ZFP1: variants seen among roughly 807,000 people sequenced by gnomAD.
ZFP1 encodes zinc finger protein 1 homolog.
In ZFP1, 32 loss-of-function variants were observed where a neutral mutation model predicts 38.5. That is an observed-to-expected ratio of 0.83 (90% confidence interval 0.63 to 1.12). The LOEUF is 1.12. ZFP1 is among the 50% of genes most tolerant of loss of function. The pLI, the probability that ZFP1 is intolerant of heterozygous loss-of-function variation, is 0.00. For missense variants in ZFP1, 616 were observed against 480.8 expected (o/e 1.28, Z -2.63); for synonymous variants, 245 against 168.8 (o/e 1.45, Z -3.50).
At position 75,170,203 on chromosome 16, in the gene ZFP1, T is replaced by G. The variant is rs1400247721; in HGVS notation, c.1093T>G (p.Ser365Ala). Residue 365 changes from serine to alanine, a missense_variant, in exon 4 of 4, where the codon TCA (serine) becomes GCA (alanine). By Grantham distance (99) the Ser-to-Ala change is moderately conservative. Coordinates refer to ENST00000570010, the MANE Select transcript of ZFP1 (RefSeq NM_153688.4). ...GTGCGGCAAAACTTTCAGCCAGAGGTCAACTCTTAGATTACACTTGCGAAT... is the reference window on the plus strand; with the variant it reads ...GTGCGGCAAAACTTTCAGCCAGAGGGCAACTCTTAGATTACACTTGCGAAT... ...TECGKTFSQR[S>A]TLRLHLRIHT... The G allele has an allele frequency of 6.2e-7, 1 of 1,613,944 alleles. No homozygotes were observed. Among genetic ancestry groups the G allele is most frequent in the Non-Finnish European group, 8.5e-7 (1 of 1,180,012 alleles).
At chr16:75,147,895 G>A (rs2036975030), upstream of ZFP1, among the ~76,000 whole-genome samples, 1 of 152,202 alleles carries the variant, frequency 6.6e-6, no homozygotes, top group South Asian at 2.1e-4. Flanking sequence ...AATTTGCTAA[G>A]AAGATAGATC....
the ZFP1 span, among the ~76,000 whole-genome samples, chr16:75,137,497 C>G: frequency 1.5e-5 from 2 of 131,230 alleles, no homozygotes; most frequent in African/African-American, 5.6e-5. Context: ...AAGTCTCGCT[C>G]TGTCCCAGGC....
rs1013566557 is a variant in ZFP1, at chr16:75,154,054, T to TA, written c.15+1098dup. On this transcript the variant is annotated intron_variant, in intron 2 of 3. Coordinates refer to ENST00000570010, the MANE Select transcript of ZFP1 (RefSeq NM_153688.4). Reference sequence around the variant, plus strand: ...CAACACGGTGAAACCCCGTCTCTAGTAAAAAAAAAAGTACAAAAAATTAGC... The same window carrying TA: ...CAACACGGTGAAACCCCGTCTCTAGTAAAAAAAAAAAGTACAAAAAATTAGC... 1.9e-3 allele frequency among the ~76,000 whole-genome samples: 288 copies of TA among 148,472 alleles called. 2 individuals are homozygous for TA. Among genetic ancestry groups the TA allele is most frequent in the East Asian group, 0.014 (69 of 5,098 alleles).
intron 1 of ZFP1, chr16:75,149,032 A>G (rs1020727902): frequency 1.3e-5 from 2 of 150,214 alleles, no homozygotes; most frequent in Non-Finnish European, 3.0e-5. Context: ...ACACCTGGCC[A>G]CGCCCCGATG....
chr16:75,167,086 A>G (rs1346270785), intron 3 of ZFP1, among the ~76,000 whole-genome samples, 190 bp downstream of exon 3: 1 of 152,222 alleles, frequency 6.6e-6, no homozygotes, highest in Non-Finnish European at 1.5e-5. Flanking sequence ...AGTCCAGGCA[A>G]TTAGGAGCTA....
chr16:75,128,670 G>C, the ZFP1 span, among the ~76,000 whole-genome samples: 17 of 152,158 alleles, frequency 1.1e-4, no homozygotes, highest in Non-Finnish European at 2.4e-4. Context: ...CTAATCTGGA[G>C]TCACTGAAAA....
chr16:75,161,458 G>C (rs527425382), intron 2 of ZFP1, among the ~76,000 whole-genome samples: 1 of 151,566 alleles, frequency 6.6e-6, no homozygotes, highest in South Asian at 2.1e-4. Context: ...GATGCCTTTT[G>C]GTAATTGTAG....
intron 1 of ZFP1, among the ~76,000 whole-genome samples, chr16:75,151,043 G>C (rs1193269330): frequency 1.3e-5 from 2 of 151,952 alleles, no homozygotes; most frequent in East Asian, 1.9e-4. Context: ...ATTTTTTGTA[G>C]AGACGAGGTT....
At chr16:75,132,983 CT>C in the ZFP1 span, among the ~76,000 whole-genome samples, 19 of 140,154 alleles carry the variant, frequency 1.4e-4, no homozygotes, top group East Asian at 2.2e-4. Flanking sequence ...GATTTTTTAA[CT>C]TTTTTTTTTT....
At chr16:75,128,449 C>T in the ZFP1 span, among the ~76,000 whole-genome samples, 4 of 152,150 alleles carry the variant, frequency 2.6e-5, no homozygotes, top group Admixed American at 1.3e-4. Context: ...ACCAGTCCTA[C>T]CATGATTTGT....
At chr16:75,144,981 C>T (rs976628690), upstream of ZFP1, among the ~76,000 whole-genome samples, 7 of 152,314 alleles carry the variant, frequency 4.6e-5, no homozygotes, top group East Asian at 1.2e-3. Context: ...AGGCACATGC[C>T]ACTACCTCCA....
At chr16:75,163,297 GT>G (rs1232286997) in intron 2 of ZFP1, among the ~76,000 whole-genome samples, 2 of 150,534 alleles carry the variant, frequency 1.3e-5, no homozygotes, top group East Asian at 2.0e-4. Flanking sequence ...GTGCATTGTT[GT>G]TTTTTTTGTT....
At chr16:75,128,531 T>G in the ZFP1 span, among the ~76,000 whole-genome samples, 39 of 152,218 alleles carry the variant, frequency 2.6e-4, no homozygotes, top group African/African-American at 8.9e-4. Context: ...CATTGTTAGA[T>G]TCTAGTCTTG....
rs1050643712 is a variant in ZFP1 at position 75,171,781 on chromosome 16, C to G, written c.*1447C>G. The G allele has an allele frequency of 6.6e-6, 1 of 152,136 alleles. No individual in the cohort carries two copies. The highest frequency in any genetic ancestry group is 2.4e-5 in the African/African-American group (1 of 41,418). The allele number at this position is 152,136 out of a possible 1,614,324, so 9.4% of individuals were successfully genotyped here. ...CAAATTTATCCAGAACATCCATAGCCCAATAAGCTTTTGTCTAAGTTGTCA... is the reference window on the plus strand; with the variant it reads ...CAAATTTATCCAGAACATCCATAGCGCAATAAGCTTTTGTCTAAGTTGTCA... On this transcript the variant is annotated 3_prime_UTR_variant, in exon 4 of 4. Transcript: ENST00000570010.
chr16:75,155,906 A>C (rs1044227141), intron 2 of ZFP1, among the ~76,000 whole-genome samples: 2 of 152,216 alleles, frequency 1.3e-5, no homozygotes, highest in African/African-American at 2.4e-5. Context: ...CTTGGTTTGC[A>C]TAATCTTTTG....
chr16:75,121,583 A>G, the ZFP1 span, among the ~76,000 whole-genome samples: 1 of 152,172 alleles, frequency 6.6e-6, no homozygotes, highest in Non-Finnish European at 1.5e-5. Context: ...TTAGCTGACA[A>G]CTGCCTAGGG....
upstream of ZFP1, among the ~76,000 whole-genome samples, chr16:75,146,585 C>T (rs2036947719): frequency 6.6e-6 from 1 of 152,136 alleles, no homozygotes; most frequent in African/African-American, 2.4e-5. Flanking sequence ...AATGTATCTT[C>T]AGTAGGTGAA....
chr16:75,145,113 CTTGGATTGTCTCCACCT>C (rs2036928860), upstream of ZFP1, among the ~76,000 whole-genome samples: 1 of 152,358 alleles, frequency 6.6e-6, no homozygotes, highest in Non-Finnish European at 1.5e-5. Context: ...CTAATGGACA[CTTGGATTGTCTCCACCT>C]TTGGATATTG....
chr16:75,141,853 C>T, the ZFP1 span, among the ~76,000 whole-genome samples: 1 of 150,648 alleles, frequency 6.6e-6, no homozygotes, highest in Non-Finnish European at 1.5e-5. Context: ...GAGTTCAAGA[C>T]CAGCCTGGCC....
Sources: allele counts gnomAD v4.1 joint callset (sites outside exome capture counted in the v4.1 genomes callset), GRCh38; gene constraint gnomAD v4.1.1; transcripts MANE v1.5; gene names NCBI Gene and HGNC (gene_info 2026-07-23, HGNC 2026-07-21).